WWC2: variants seen among roughly 807,000 people sequenced by gnomAD.
WWC2 encodes the protein protein WWC2.
WWC2 carries 101 observed loss-of-function variants against 138.5 expected under a neutral mutation model. The ratio of observed to expected loss-of-function variants is 0.73; its 90% confidence interval spans 0.62 to 0.86. The LOEUF (loss-of-function observed/expected upper bound fraction) is 0.86, where lower values mean the gene tolerates loss of function less well. Among genes scored for constraint, WWC2 ranks in the 40% least tolerant of loss-of-function variants. The pLI is 0.00. For synonymous variants in WWC2, 558 were observed against 538.4 expected (o/e 1.04, Z -0.50); for missense variants, 1,420 against 1,419.4 (o/e 1.00, Z -0.01).
intron 1 of WWC2, among the ~76,000 whole-genome samples, chr4:183,157,228 A>G (rs995485775): frequency 6.6e-6 from 1 of 152,228 alleles, no homozygotes; most frequent in Admixed American, 6.5e-5. Context: ...TGAAGAACAC[A>G]GATCACTTAA....
At chr4:183,109,321 A>G (rs766695639) in intron 1 of WWC2, among the ~76,000 whole-genome samples, 121 of 152,228 alleles carry the variant, frequency 7.9e-4, no homozygotes, top group Non-Finnish European at 1.4e-3. Context: ...TTTTATAGCA[A>G]TATTTTTAAA....
intron 1 of WWC2, among the ~76,000 whole-genome samples, chr4:183,168,150 G>A (rs975371831): frequency 6.9e-6 from 1 of 145,100 alleles, no homozygotes; most frequent in Non-Finnish European, 1.5e-5. Context: ...CACCACGCCC[G>A]GCTGACTTTT....
At chr4:183,144,617 C>A (rs1283551989) in intron 1 of WWC2, among the ~76,000 whole-genome samples, 1 of 152,084 alleles carries the variant, frequency 6.6e-6, no homozygotes, top group Non-Finnish European at 1.5e-5. Flanking sequence ...AAGTCCATGG[C>A]TGCCAGGACT....
At chr4:183,143,777 T>A (rs1733371034) in intron 1 of WWC2, among the ~76,000 whole-genome samples, 1 of 151,596 alleles carries the variant, frequency 6.6e-6, no homozygotes, top group African/African-American at 2.4e-5. Context: ...TACTATACTC[T>A]AGCCTGGGCA....
intron 4 of WWC2, among the ~76,000 whole-genome samples, chr4:183,227,852 A>C (rs1195345871): frequency 6.6e-6 from 1 of 152,058 alleles, no homozygotes; most frequent in Non-Finnish European, 1.5e-5. Flanking sequence ...ATTTGAGAGT[A>C]ATGTATGGCA....
rs894014788 is a variant in WWC2, at chr4:183,320,024, C to T, written c.*4295C>T. The T allele has an allele frequency of 1.2e-6, 2 of 1,613,882 alleles. No homozygotes were observed. Among genetic ancestry groups the T allele is most frequent in the African/African-American group, 2.7e-5 (2 of 74,900 alleles). On this transcript the variant is annotated 3_prime_UTR_variant, in exon 23 of 23. Coordinates refer to ENST00000403733, the MANE Select transcript of WWC2 (RefSeq NM_024949.6). ...GCAAAGCCAGGAAGGAGTCAAAGTC[C>T]TTGCATTGCATCCCCACTTCCTCTT...
At chr4:183,298,162 A>G (rs1252651490) in intron 21 of WWC2, among the ~76,000 whole-genome samples, 1 of 152,230 alleles carries the variant, frequency 6.6e-6, no homozygotes, top group African/African-American at 2.4e-5. Context: ...CAAAACATGA[A>G]GATACATCTA....
In WWC2 at chr4:183,268,895, A is replaced by T. The variant is rs746042305; in HGVS notation, c.2208-76A>T. On this transcript the variant is annotated intron_variant, in intron 14 of 22. Transcript: ENST00000403733. ...GATCCCTCATTTTCTCTCTTTGCAG[A>T]TAATTTCAAATGATAGCTGTGAATC... 9.4e-5 allele frequency: 131 copies of T among 1,399,920 alleles called. 1 individual carries two copies. Among genetic ancestry groups the T allele is most frequent in the Non-Finnish European group, 1.2e-4 (119 of 1,023,332 alleles). 86.7% of individuals were successfully genotyped at this position (1,399,920 alleles called of 1,614,324 possible). A position where few individuals can be genotyped will look rare whatever the true frequency, so the allele number is the denominator to read the frequency against.
intron 2 of WWC2, among the ~76,000 whole-genome samples, chr4:183,206,317 C>G (rs930315888): frequency 1.7e-4 from 26 of 152,012 alleles, no homozygotes; most frequent in African/African-American, 6.3e-4. Context: ...TTTTGTGTAT[C>G]AAGCTTCATG....
chr4:183,256,064 T>C (rs1737127455), intron 9 of WWC2, among the ~76,000 whole-genome samples: 1 of 152,112 alleles, frequency 6.6e-6, no homozygotes, highest in Non-Finnish European at 1.5e-5. Context: ...TCTCCCATGA[T>C]TGGATGTTAG....
chr4:183,179,164 A>G (rs967654475), intron 1 of WWC2, among the ~76,000 whole-genome samples: 12 of 152,196 alleles, frequency 7.9e-5, no homozygotes, highest in Admixed American at 6.5e-5. Flanking sequence ...ACAGTATATT[A>G]TATTTTCTAG....
chr4:183,188,182 T>C lies in WWC2; in HGVS notation c.132-5417T>C, dbSNP rs141338477. On this transcript the variant is annotated intron_variant, in intron 1 of 22. Coordinates refer to ENST00000403733, the MANE Select transcript of WWC2 (RefSeq NM_024949.6). ...CCTCCAGATGTTGCCAAGTCTATTTTTTTGTCTTTAGGTAAAAATGATCTT... is the reference window on the plus strand; with the variant it reads ...CCTCCAGATGTTGCCAAGTCTATTTCTTTGTCTTTAGGTAAAAATGATCTT... 2.5e-3 allele frequency among the ~76,000 whole-genome samples: 380 copies of C among 152,288 alleles called. 1 individual carries two copies. Among genetic ancestry groups the C allele is most frequent in the Non-Finnish European group, 4.2e-3 (286 of 68,028 alleles).
At chr4:183,210,521 C>T (rs1457321974) in intron 4 of WWC2, among the ~76,000 whole-genome samples, 1 of 152,106 alleles carries the variant, frequency 6.6e-6, no homozygotes, top group Non-Finnish European at 1.5e-5. Flanking sequence ...TTTACTATCT[C>T]CATGTATGCC....
intron 1 of WWC2, among the ~76,000 whole-genome samples, chr4:183,117,530 T>C (rs1352995297): frequency 6.6e-6 from 1 of 152,032 alleles, no homozygotes. Context: ...CACGTTCTTT[T>C]CTATAGTGCT....
At chr4:183,103,019 C>G (rs1743228879) in intron 1 of WWC2, among the ~76,000 whole-genome samples, 2 of 152,152 alleles carry the variant, frequency 1.3e-5, no homozygotes, top group East Asian at 1.9e-4. Flanking sequence ...GAATTTTGCT[C>G]ATTTTCTATC....
At position 183,103,000 on chromosome 4, in the gene WWC2, C is replaced by G. The variant is rs539022268; in HGVS notation, c.131+3378C>G. 1.4e-4 allele frequency among the ~76,000 whole-genome samples: 21 copies of G among 151,998 alleles called. No homozygotes were observed. In the South Asian group the frequency reaches 4.4e-3, roughly 32 times the overall value. ...AGATAGGGTGGGTTGGCTTTACCAACTCCCAGTAGAATTTTGCTCATTTTC... is the reference window on the plus strand; with the variant it reads ...AGATAGGGTGGGTTGGCTTTACCAAGTCCCAGTAGAATTTTGCTCATTTTC... On this transcript the variant is annotated intron_variant, in intron 1 of 22. Transcript: ENST00000403733.
chr4:183,122,343 A>G (rs931326576), intron 1 of WWC2, among the ~76,000 whole-genome samples: 1 of 152,176 alleles, frequency 6.6e-6, no homozygotes, highest in African/African-American at 2.4e-5. Context: ...TAAAATCAAC[A>G]AGGAGATACA....
rs148905038 is a variant in WWC2, at chr4:183,213,382, G to C, written c.522+4357G>C. On this transcript the variant is annotated intron_variant, in intron 4 of 22. Coordinates refer to ENST00000403733, the MANE Select transcript of WWC2 (RefSeq NM_024949.6). ...TAATGCCGTAGGAGTAGTAACTCTT[G>C]AATAAATTAACTCATCACTTTGGTG... 3.7e-3 allele frequency among the ~76,000 whole-genome samples: 562 copies of C among 152,302 alleles called. 3 individuals are homozygous for C. Among genetic ancestry groups the C allele is most frequent in the African/African-American group, 0.013 (530 of 41,558 alleles).
chr4:183,152,656 G>A (rs1297367051), intron 1 of WWC2, among the ~76,000 whole-genome samples: 2 of 151,940 alleles, frequency 1.3e-5, no homozygotes, highest in Non-Finnish European at 2.9e-5. Context: ...AGGCCAAGGC[G>A]GCAGATCACC....
Sources: gnomAD v4.1 joint callset for allele counts (sites outside exome capture counted in the v4.1 genomes callset) on GRCh38, gnomAD v4.1.1 for gene constraint, MANE v1.5 for transcripts, NCBI Gene and HGNC (gene_info 2026-07-23, HGNC 2026-07-21) for gene names.